SNTG2: variants seen among roughly 807,000 people sequenced by gnomAD.
SNTG2 encodes gamma-2-syntrophin.
SNTG2 carries 74 observed loss-of-function variants against 70.9 expected under a neutral mutation model. The observed-to-expected ratio is 1.04, with a 90% CI of 0.86 to 1.27. The LOEUF (loss-of-function observed/expected upper bound fraction) is 1.27. Ranked by LOEUF, SNTG2 falls within the 50% of genes most tolerant of loss-of-function variation. The pLI is 0.00. For missense variants in SNTG2, 717 were observed against 690.7 expected (o/e 1.04, Z -0.43); for synonymous variants, 278 against 273.8 (o/e 1.02, Z -0.15).
chr2:1,360,181 G>A (rs1331976139), intron 16 of SNTG2, among the ~76,000 whole-genome samples: 1 of 152,184 alleles, frequency 6.6e-6, no homozygotes, highest in Non-Finnish European at 1.5e-5. Context: ...AGTTCTCTAA[G>A]AACTTGTCTC....
intron 9 of SNTG2, among the ~76,000 whole-genome samples, chr2:1,211,907 A>C (rs1212620371): frequency 6.6e-6 from 1 of 152,180 alleles, no homozygotes; most frequent in South Asian, 2.1e-4. Context: ...GTAGAAACAC[A>C]TGTGTTATTC....
At chr2:1,266,762 T>TTTTTTTTTTTTTTTTTTTTTTG (rs1465377514) in intron 13 of SNTG2, among the ~76,000 whole-genome samples, 1 of 146,494 alleles carries the variant, frequency 6.8e-6, no homozygotes. Flanking sequence ...TTTTTTTTTT[T>TTTTTTTTTTTTTTTTTTTTTTG]TTTCTTGAGA....
chr2:1,189,691 T>C (rs1371814649), intron 8 of SNTG2, among the ~76,000 whole-genome samples: 1 of 151,912 alleles, frequency 6.6e-6, no homozygotes, highest in Non-Finnish European at 1.5e-5. Context: ...CCCAAGTAGG[T>C]GCACGCCAGC....
intron 9 of SNTG2, chr2:1,219,787 C>T (rs552977128): frequency 2.0e-5 from 3 of 152,028 alleles, no homozygotes; most frequent in South Asian, 4.1e-4. Flanking sequence ...AAACCCTTAG[C>T]TTAGGGGTCT....
At chr2:1,076,019 G>A (rs1354955527) in intron 1 of SNTG2, among the ~76,000 whole-genome samples, 1 of 152,210 alleles carries the variant, frequency 6.6e-6, no homozygotes, top group East Asian at 1.9e-4. Context: ...GCACGTGGCA[G>A]ACGTCGTCGG....
At chr2:989,418 AT>A (rs144061817) in intron 1 of SNTG2, among the ~76,000 whole-genome samples, 13,154 of 152,162 alleles carry the variant, frequency 0.086, 752 homozygotes, top group South Asian at 0.21. Flanking sequence ...TTAATCCTAA[AT>A]TGTGTTGAAT....
At chr2:1,346,619 T>TAG (rs764625871) in intron 16 of SNTG2, 2 of 152,210 alleles carry the variant, frequency 1.3e-5, no homozygotes, top group Non-Finnish European at 2.9e-5. Context: ...GCCAAATACT[T>TAG]ACAGGTTTAT....
At chr2:979,189 G>T (rs1661014648) in intron 1 of SNTG2, among the ~76,000 whole-genome samples, 1 of 152,192 alleles carries the variant, frequency 6.6e-6, no homozygotes, top group Non-Finnish European at 1.5e-5. Context: ...TTTGGGTTGG[G>T]GGGGTATTGA....
Position 1,066,848 on chromosome 2 carries a change from G to A in SNTG2, c.73-16670G>A, listed in dbSNP as rs78981047. Among the ~76,000 whole-genome samples the A allele has an allele frequency of 5.9e-3, 904 of 152,242 alleles. 10 individuals are homozygous for A. The highest frequency in any genetic ancestry group is 0.021 in the African/African-American group (854 of 41,542). ...TTCTTCAGCAGCTTCTCGTGTGGTTGTAAGAGGATCAGCTTCCACGATTAC... is the reference window on the plus strand; with the variant it reads ...TTCTTCAGCAGCTTCTCGTGTGGTTATAAGAGGATCAGCTTCCACGATTAC... On this transcript the variant is annotated intron_variant, in intron 1 of 16. Transcript: ENST00000308624.
intron 1 of SNTG2, among the ~76,000 whole-genome samples, chr2:984,141 G>T (rs189575252): frequency 6.6e-6 from 1 of 152,254 alleles, no homozygotes; most frequent in African/African-American, 2.4e-5. Flanking sequence ...CAGAGGTGAC[G>T]CTATTGAATC....
chr2:978,458 TCAAAAA>T (rs1660986799), intron 1 of SNTG2, among the ~76,000 whole-genome samples: 1 of 152,176 alleles, frequency 6.6e-6, no homozygotes, highest in Non-Finnish European at 1.5e-5. Flanking sequence ...GGAACATATC[TCAAAAA>T]TTAAATAAAA....
At chr2:1,326,231 T>C (rs1681752583) in intron 16 of SNTG2, among the ~76,000 whole-genome samples, 1 of 152,226 alleles carries the variant, frequency 6.6e-6, no homozygotes, top group South Asian at 2.1e-4. Flanking sequence ...CGACTTTTTA[T>C]GTGATATTGT....
At chr2:1,309,590 G>A (rs1680880049) in intron 15 of SNTG2, among the ~76,000 whole-genome samples, 1 of 148,124 alleles carries the variant, frequency 6.8e-6, no homozygotes, top group Admixed American at 6.6e-5. Flanking sequence ...TGGGCACAGG[G>A]CCCCACACAG....
chr2:1,228,120 G>T (rs1675919743), intron 9 of SNTG2, among the ~76,000 whole-genome samples: 1 of 152,228 alleles, frequency 6.6e-6, no homozygotes, highest in South Asian at 2.1e-4. Flanking sequence ...TAGTGCTTCT[G>T]TCATTCCCGT....
chr2:1,209,183 G>A lies in SNTG2; in HGVS notation c.672G>A (p.Leu224=), dbSNP rs772060038. The change falls in exon 9 of 17, where the codon CTG becomes CTA. Residue 224 remains leucine, a synonymous_variant. Transcript: ENST00000308624. ...GGCTGGACACCTTGTCCGTGCCTCT[G>A]TCCATGGCTCGCATCTCAAGGTACA... ...KRWLDTLSVP[L]SMARISRYKA... is the part of the protein sequence containing the mutation. The A allele has an allele frequency of 2.0e-5, 32 of 1,613,856 alleles. 1 individual carries two copies. The highest frequency in any genetic ancestry group is 2.4e-5 in the Non-Finnish European group (28 of 1,179,898).
intron 1 of SNTG2, among the ~76,000 whole-genome samples, chr2:1,050,483 A>ATT (rs35858389): frequency 1.0e-4 from 15 of 149,614 alleles, no homozygotes; most frequent in African/African-American, 2.7e-4. Flanking sequence ...GCATATGTGG[A>ATT]TTTTTTTTTT....
At chr2:1,318,662 C>A (rs901227682) in intron 16 of SNTG2, among the ~76,000 whole-genome samples, 13 of 152,346 alleles carry the variant, frequency 8.5e-5, no homozygotes, top group African/African-American at 2.6e-4. Context: ...AGAGGCTTGA[C>A]ATCAGTTTCC....
intron 9 of SNTG2, among the ~76,000 whole-genome samples, chr2:1,233,368 AAG>A (rs1462491032): frequency 6.6e-6 from 1 of 152,192 alleles, no homozygotes; most frequent in Non-Finnish European, 1.5e-5. Context: ...TGATTTGAAA[AAG>A]GGTCAAATCT....
At chr2:1,250,886 A>G (rs929744897) in intron 12 of SNTG2, among the ~76,000 whole-genome samples, 1 of 152,198 alleles carries the variant, frequency 6.6e-6, no homozygotes, top group East Asian at 1.9e-4. Context: ...GTCTTTTCCT[A>G]TAAAAGTTAT....
Sources: gnomAD v4.1 joint callset for allele counts (sites outside exome capture counted in the v4.1 genomes callset) on GRCh38, gnomAD v4.1.1 for gene constraint, MANE v1.5 for transcripts, NCBI Gene and HGNC (gene_info 2026-07-23, HGNC 2026-07-21) for gene names.